DDA1: variants seen among roughly 807,000 people sequenced by gnomAD.
DDA1 encodes the protein DET1- and DDB1-associated protein 1.
Under a neutral mutation model 18.6 loss-of-function variants are expected in DDA1, and 3 were observed. That is an observed-to-expected ratio of 0.16 (90% confidence interval 0.07 to 0.42). DDA1 has a LOEUF of 0.42. DDA1 is among the 10% of genes least tolerant of loss of function. DDA1 has a pLI of 0.99. For synonymous variants in DDA1, 52 were observed against 54.0 expected (o/e 0.96, Z 0.17); for missense variants, 105 against 138.2 (o/e 0.76, Z 1.20).
At chr19:17,315,713 A>C in intron 3 of DDA1, 1 of 627,132 alleles carries the variant, frequency 1.6e-6, no homozygotes, top group Admixed American at 2.6e-5. Context: ...GTCCCCCACC[A>C]AGGGTGGAAT....
At position 17,314,123 on chromosome 19, in the gene DDA1, A is replaced by C. The variant is rs2288463; in HGVS notation, c.84+20A>C. On this transcript the variant is annotated intron_variant, in intron 2 of 4. Transcript: ENST00000359866. This position sits in a 1 kb window ranked among gnomAD's most constrained non-coding sequence, Gnocchi z 4.6. ...GCCTCGGTGAGTGCGTGTTCCTGGG[A>C]CTGGGAGGAATTGGTCACTTCCAGG... is the stretch of plus-strand genomic sequence containing the variant. 16 of 1,612,506 alleles carry C rather than the reference A, an allele frequency of 9.9e-6. No homozygotes were observed. The highest frequency in any genetic ancestry group is 1.4e-5 in the Non-Finnish European group (16 of 1,178,794).
chr19:17,315,901 G>A (rs781321461), intron 3 of DDA1, 33 bp from the exon 4 acceptor site: 2 of 1,610,494 alleles, frequency 1.2e-6, no homozygotes, highest in Non-Finnish European at 1.7e-6. Context: ...GGGAGGGGAG[G>A]CGTCTGCGAC....
At position 17,319,668 on chromosome 19, in the gene DDA1, C is replaced by T; in HGVS notation, c.*12C>T. 6.4e-7 allele frequency: 1 copy of T among 1,554,110 alleles called. No homozygotes were observed. The highest frequency in any genetic ancestry group is 8.7e-7 in the Non-Finnish European group (1 of 1,148,108). ...ACGAGGACACTTAAGACTCTCAACTCCACAGGCGCCTCCTGCCAGGTCTGC... is the reference window on the plus strand; with the variant it reads ...ACGAGGACACTTAAGACTCTCAACTTCACAGGCGCCTCCTGCCAGGTCTGC... On this transcript the variant is annotated 3_prime_UTR_variant, in exon 5 of 5. Coordinates refer to ENST00000359866, the MANE Select transcript of DDA1 (RefSeq NM_024050.6).
Position 17,315,916 on chromosome 19 carries a change from T to A in DDA1, c.137-18T>A, listed in dbSNP as rs1312478574. The A allele has an allele frequency of 1.2e-6, 2 of 1,613,952 alleles. No individual in the cohort carries two copies. Among genetic ancestry groups the A allele is most frequent in the Non-Finnish European group, 1.7e-6 (2 of 1,179,894 alleles). ...GGGAGGGGAGGCGTCTGCGACTTTC[T>A]CTATCTTTCCTCCTTAGTCATCGTG... On this transcript the variant is annotated intron_variant, in intron 3 of 4. Transcript: ENST00000359866.
chr19:17,319,920 A>G lies in DDA1; in HGVS notation c.*264A>G, dbSNP rs2074231844. The G allele has an allele frequency of 1.9e-5, 7 of 378,086 alleles. No individual in the cohort carries two copies. In the South Asian group the frequency reaches 2.6e-4, roughly 14 times the overall value. The allele number at this position is 378,086 out of a possible 1,614,324, so 23.4% of individuals were successfully genotyped here. On this transcript the variant is annotated 3_prime_UTR_variant, in exon 5 of 5. Transcript: ENST00000359866. ...GTAGATGCTTTTTAAAAAAAACAAC[A>G]TTGTCCCCCCGACCCCCGCCTTCCA...
chr19:17,319,745 G>A lies in DDA1; in HGVS notation c.*89G>A, dbSNP rs1314287209. 2.8e-5 allele frequency: 31 copies of A among 1,123,538 alleles called. No individual in the cohort carries two copies. The highest frequency in any genetic ancestry group is 2.2e-4 in the East Asian group (8 of 36,782). 69.6% of individuals were successfully genotyped at this position (1,123,538 alleles called of 1,614,324 possible). ...CCATGTGTAAGCACCCCGCCCGCCC[G>A]CCTCCCTGCCGGCCCATCCACACCC... On this transcript the variant is annotated 3_prime_UTR_variant, in exon 5 of 5. Coordinates refer to ENST00000359866, the MANE Select transcript of DDA1 (RefSeq NM_024050.6).
chr19:17,318,056 C>T (rs2074222243), intron 4 of DDA1, among the ~76,000 whole-genome samples: 1 of 151,596 alleles, frequency 6.6e-6, no homozygotes, highest in South Asian at 2.1e-4. Flanking sequence ...TGAGGTCTTG[C>T]TCTGTCACCC....
Position 17,319,543 on chromosome 19 carries a change from C to T in DDA1, c.199-3C>T. Reference sequence around the variant, plus strand: ...CAGCCCCTCTCTTTTCCCTGTCCCCCAGAACGCTGCCAAGAAGAGAGACCA... The same window carrying T: ...CAGCCCCTCTCTTTTCCCTGTCCCCTAGAACGCTGCCAAGAAGAGAGACCA... On this transcript the variant is annotated splice_region_variant and splice_polypyrimidine_tract_variant and intron_variant, in intron 4 of 4. Transcript: ENST00000359866. 6.4e-7 allele frequency: 1 copy of T among 1,560,650 alleles called. No homozygotes were observed. The highest frequency in any genetic ancestry group is 1.2e-5 in the South Asian group (1 of 84,564).
rs759978228 is a variant in DDA1 at position 17,314,072 on chromosome 19, G to A, written c.53G>A (p.Arg18Gln). ...LPVYNKSNFS[R>Q]FHADSVCKAS... is the part of the protein sequence containing the mutation. ...GTCTACAACAAAAGCAATTTTAGTC[G>A]ATTTCACGCGGACTCCGTGTGCAAA... Residue 18 changes from arginine (R) to glutamine (Q), a missense_variant, in exon 2 of 5, where the codon CGA (arginine) becomes CAA (glutamine). Around this residue, in one of 2 missense-constraint regions of DDA1, gnomAD observed 43 missense variants for 82.3 expected, o/e 0.52. Coordinates refer to ENST00000359866, the MANE Select transcript of DDA1 (RefSeq NM_024050.6). This position sits in a 1 kb window ranked among gnomAD's most constrained non-coding sequence, Gnocchi z 4.6. 8 of 1,614,068 alleles carry A rather than the reference G, an allele frequency of 5.0e-6. No homozygotes were observed. The highest frequency in any genetic ancestry group is 1.7e-5 in the Admixed American group (1 of 60,014).
intron 1 of DDA1, among the ~76,000 whole-genome samples, chr19:17,310,863 C>T (rs2074175708): frequency 6.6e-6 from 1 of 152,194 alleles, no homozygotes; most frequent in Non-Finnish European, 1.5e-5. Flanking sequence ...CCACTTCCCA[C>T]CTGCATACCT....
intron 4 of DDA1, among the ~76,000 whole-genome samples, chr19:17,317,231 C>T (rs987312164): frequency 2.0e-5 from 3 of 151,066 alleles, no homozygotes; most frequent in Non-Finnish European, 4.4e-5. Context: ...AAATCTATAC[C>T]GGGCGCGGTG....
intron 1 of DDA1, among the ~76,000 whole-genome samples, chr19:17,312,731 G>A (rs1285757475): frequency 6.6e-6 from 1 of 152,200 alleles, no homozygotes; most frequent in African/African-American, 2.4e-5. Flanking sequence ...CAGGCGCGTG[G>A]CCATGGTGGC....
Position 17,320,895 on chromosome 19 carries a change from TGAGCCTGGGGCTGGGGGAACACC to T in DDA1, c.*1241_*1263del, listed in dbSNP as rs2074236986. 1 of 152,306 alleles carries T rather than the reference TGAGCCTGGGGCTGGGGGAACACC, an allele frequency of 6.6e-6. No individual in the cohort carries two copies. Among genetic ancestry groups the T allele is most frequent in the Admixed American group, 6.5e-5 (1 of 15,280 alleles). 9.4% of individuals were successfully genotyped at this position (152,306 alleles called of 1,614,324 possible). A position where few individuals can be genotyped will look rare whatever the true frequency, so the allele number is the denominator to read the frequency against. ...GCAGAAGGTTTGTGGCCCTGACCACTGAGCCTGGGGCTGGGGGAACACCGCTTCTCCCCTTATTGCCCCCACTG... is the reference window on the plus strand; with the variant it reads ...GCAGAAGGTTTGTGGCCCTGACCACTGCTTCTCCCCTTATTGCCCCCACTG... On this transcript the variant is annotated 3_prime_UTR_variant, in exon 5 of 5. Transcript: ENST00000359866.
At chr19:17,317,530 AAG>A (rs1425887883) in intron 4 of DDA1, among the ~76,000 whole-genome samples, 1 of 150,536 alleles carries the variant, frequency 6.6e-6, no homozygotes, top group African/African-American at 2.4e-5. Flanking sequence ...AAAAGAAAAA[AAG>A]AAATCTAGGT....
rs1360868232 is a variant in DDA1, at chr19:17,320,588, C to CA, written c.*933dup. The CA allele has an allele frequency of 6.6e-6, 1 of 152,586 alleles. No individual in the cohort carries two copies. Among genetic ancestry groups the CA allele is most frequent in the East Asian group, 1.9e-4 (1 of 5,220 alleles). 9.5% of individuals were successfully genotyped at this position (152,586 alleles called of 1,614,324 possible). A position where few individuals can be genotyped will look rare whatever the true frequency, so the allele number is the denominator to read the frequency against. ...CTGCCTGGGATACCGCCAAGCAGGG[C>CA]AGCGCACCTGTCAGACACCGCAGAG... On this transcript the variant is annotated 3_prime_UTR_variant, in exon 5 of 5. Transcript: ENST00000359866.
chr19:17,318,430 G>A (rs543889297), intron 4 of DDA1, among the ~76,000 whole-genome samples: 8 of 151,824 alleles, frequency 5.3e-5, no homozygotes, highest in East Asian at 1.9e-4. Context: ...GGGGTTTCTC[G>A]ATGTTAGTCT....
At position 17,321,704 on chromosome 19, in the gene DDA1, G is replaced by C. The variant is rs1039100101; in HGVS notation, c.*2048G>C. 1 of 152,258 alleles carries C rather than the reference G, an allele frequency of 6.6e-6. No homozygotes were observed. Among genetic ancestry groups the C allele is most frequent in the Non-Finnish European group, 1.5e-5 (1 of 68,086 alleles). 9.4% of individuals were successfully genotyped at this position (152,258 alleles called of 1,614,324 possible). A position where few individuals can be genotyped will look rare whatever the true frequency, so the allele number is the denominator to read the frequency against. On this transcript the variant is annotated 3_prime_UTR_variant, in exon 5 of 5. Coordinates refer to ENST00000359866, the MANE Select transcript of DDA1 (RefSeq NM_024050.6). ...GGGCCCTGCCTGTGTCAGACCCTCG[G>C]GCCTAGGCGGCCCATCTCTCCCAAG...
chr19:17,316,942 C>T (rs866969787), intron 4 of DDA1, among the ~76,000 whole-genome samples: 5 of 151,030 alleles, frequency 3.3e-5, no homozygotes, highest in Non-Finnish European at 5.9e-5. Flanking sequence ...GATTAAAAAT[C>T]TCAGCTGGGC....
intron 4 of DDA1, among the ~76,000 whole-genome samples, chr19:17,318,157 A>G (rs2074222792): frequency 6.6e-6 from 1 of 151,678 alleles, no homozygotes; most frequent in Non-Finnish European, 1.5e-5. Context: ...GGTTCAAGCA[A>G]TTCTCCTGCC....
Sources: gnomAD v4.1 joint callset for allele counts (sites outside exome capture counted in the v4.1 genomes callset) on GRCh38, gnomAD v4.1.1 for gene constraint, gnomAD v4.1.1 regional missense constraint, Gnocchi (gnomAD v3.1) non-coding constraint, MANE v1.5 for transcripts, NCBI Gene and HGNC (gene_info 2026-07-23, HGNC 2026-07-21) for gene names.